PTPRG: variants seen among roughly 807,000 people sequenced by gnomAD.
PTPRG encodes the protein protein tyrosine phosphatase receptor type G.
PTPRG carries 102 observed loss-of-function variants against 165.3 expected under a neutral mutation model. The ratio of observed to expected loss-of-function variants is 0.62; its 90% CI spans 0.53 to 0.73. The LOEUF (loss-of-function observed/expected upper bound fraction) is 0.73. PTPRG is among the 30% of genes least tolerant of loss of function. PTPRG has a pLI of 0.00. For synonymous variants in PTPRG, 675 were observed against 669.5 expected, an observed-to-expected ratio of 1.01 and a Z score of -0.13; for missense variants, 1,866 against 1,861.4, an observed-to-expected ratio of 1.00 and a Z score of -0.05.
chr3:62,124,931 A>G (rs1255661809), intron 5 of PTPRG, among the ~76,000 whole-genome samples: 3 of 152,066 alleles, frequency 2.0e-5, no homozygotes, highest in Non-Finnish European at 4.4e-5. Context: ...CCCACCCTCA[A>G]GGGAAGGTGA....
intron 12 of PTPRG, among the ~76,000 whole-genome samples, chr3:62,212,111 G>C (rs79186302): frequency 6.6e-6 from 1 of 152,050 alleles, no homozygotes; most frequent in South Asian, 2.1e-4. Context: ...TCCTGCATAC[G>C]CTCAGAGAGG....
chr3:61,587,783 A>G (rs551639511), intron 1 of PTPRG, among the ~76,000 whole-genome samples: 1 of 152,118 alleles, frequency 6.6e-6, no homozygotes, highest in Admixed American at 6.5e-5. Context: ...CAGCCTCTTG[A>G]GTAGCCAGGA....
intron 2 of PTPRG, among the ~76,000 whole-genome samples, chr3:61,940,724 C>T (rs1055616107): frequency 1.3e-5 from 2 of 151,096 alleles, no homozygotes; most frequent in Non-Finnish European, 2.9e-5. Flanking sequence ...AGTGCAGTGG[C>T]GCGATCTTGG....
intron 2 of PTPRG, among the ~76,000 whole-genome samples, chr3:61,888,608 C>T (rs769853136): frequency 2.0e-5 from 3 of 152,090 alleles, no homozygotes; most frequent in African/African-American, 4.8e-5. Flanking sequence ...TGGGATTACA[C>T]GCTTGAGCCA....
intron 2 of PTPRG, among the ~76,000 whole-genome samples, chr3:61,956,430 C>T (rs550021762): frequency 1.7e-3 from 256 of 149,100 alleles, no homozygotes; most frequent in African/African-American, 6.3e-3. Flanking sequence ...TTGGTCATTA[C>T]TATTCTTGCC....
chr3:61,715,920 T>C (rs1413876762), intron 1 of PTPRG, among the ~76,000 whole-genome samples: 3 of 152,060 alleles, frequency 2.0e-5, no homozygotes, highest in Admixed American at 2.0e-4. Context: ...CTGTATTTAT[T>C]AGTCCCTGGA....
chr3:61,949,116 C>T (rs1842181), intron 2 of PTPRG, among the ~76,000 whole-genome samples: 30,437 of 150,236 alleles, frequency 0.2, 3,418 homozygotes, highest in African/African-American at 0.32. Flanking sequence ...GTCTTGCCAA[C>T]GGCCTGGTTT....
intron 1 of PTPRG, among the ~76,000 whole-genome samples, chr3:61,587,849 T>C (rs2106814201): frequency 6.6e-6 from 1 of 152,100 alleles, no homozygotes; most frequent in East Asian, 1.9e-4. Flanking sequence ...TTTGTAGAGG[T>C]GGCCTTACTG....
intron 6 of PTPRG, among the ~76,000 whole-genome samples, chr3:62,138,729 A>G (rs1703811581): frequency 6.6e-6 from 1 of 151,154 alleles, no homozygotes; most frequent in African/African-American, 2.4e-5. Flanking sequence ...AAAAAAAAAA[A>G]AAAAAAAGAA....
At chr3:62,087,932 T>C (rs1383362063) in intron 5 of PTPRG, among the ~76,000 whole-genome samples, 3 of 152,256 alleles carry the variant, frequency 2.0e-5, no homozygotes, top group East Asian at 3.8e-4. Flanking sequence ...AATTATTTTA[T>C]AGATTTGATG....
chr3:62,233,661 C>T lies in PTPRG; in HGVS notation c.2375+2350C>T, dbSNP rs1700957113. 6.6e-6 allele frequency among the ~76,000 whole-genome samples: 1 copy of T among 152,188 alleles called. No homozygotes were observed. Among genetic ancestry groups the T allele is most frequent in the South Asian group, 2.1e-4 (1 of 4,832 alleles). ...TACAAGAGCTGTTACAGAATCCCTA[C>T]ACATTAACTTCATGTGGCATTACTC... On this transcript the variant is annotated intron_variant, in intron 14 of 29. Transcript: ENST00000474889. The surrounding 1 kb of genome is among the most constrained non-coding windows in gnomAD (Gnocchi z 4.7).
Position 62,203,547 on chromosome 3 carries a change from G to C in PTPRG, c.1752G>C (p.Glu584Asp), listed in dbSNP as rs376415455. ...GCACCGAGGAAGGAGAGAAGGATGA[G>C]AAAAGCGAGAGTGAGGATGGGGAGC... ...GEGTEEGEKD[E>D]KSESEDGERE... The change falls in exon 12 of 30, where the codon GAG becomes GAC. Residue 584 changes from glutamate to aspartate, a missense_variant. Transcript: ENST00000474889. This position sits in a 1 kb window ranked among gnomAD's most constrained non-coding sequence, Gnocchi z 6.4. The C allele has an allele frequency of 4.4e-5, 68 of 1,553,114 alleles. No homozygotes were observed. The highest frequency in any genetic ancestry group is 5.7e-5 in the Non-Finnish European group (65 of 1,147,616).
chr3:61,676,238 A>G (rs946402907), intron 1 of PTPRG, among the ~76,000 whole-genome samples: 3 of 151,844 alleles, frequency 2.0e-5, no homozygotes, highest in African/African-American at 7.3e-5. Context: ...TGGGCAGATC[A>G]CGAGGTCAGG....
intron 3 of PTPRG, among the ~76,000 whole-genome samples, chr3:61,997,237 G>A (rs1390841441): frequency 1.3e-5 from 2 of 152,174 alleles, no homozygotes; most frequent in Admixed American, 1.3e-4. Context: ...TCTACTGACA[G>A]CATTGCTTTC....
chr3:62,285,905 C>G (rs1702638405), intron 28 of PTPRG, among the ~76,000 whole-genome samples: 1 of 152,156 alleles, frequency 6.6e-6, no homozygotes, highest in Admixed American at 6.5e-5. Flanking sequence ...TATCACCCTA[C>G]TGGATAGCAT....
intron 1 of PTPRG, among the ~76,000 whole-genome samples, chr3:61,651,076 C>T (rs1702337510): frequency 6.6e-6 from 1 of 151,076 alleles, no homozygotes; most frequent in South Asian, 2.1e-4. Context: ...TCATTGCCTA[C>T]ACTTCTAGAA....
intron 28 of PTPRG, among the ~76,000 whole-genome samples, chr3:62,288,614 A>C (rs1576230260): frequency 6.6e-6 from 1 of 151,918 alleles, no homozygotes; most frequent in East Asian, 1.9e-4. Context: ...CAGAGGTTGC[A>C]GTGAACCAAG....
intron 1 of PTPRG, among the ~76,000 whole-genome samples, chr3:61,644,794 C>A (rs1384759133): frequency 3.3e-5 from 5 of 152,124 alleles, no homozygotes; most frequent in Non-Finnish European, 7.3e-5. Flanking sequence ...TCTCCCCTTT[C>A]TGTCTCTAGT....
chr3:62,109,666 C>G (rs1702597512), intron 5 of PTPRG, among the ~76,000 whole-genome samples: 1 of 152,128 alleles, frequency 6.6e-6, no homozygotes, highest in Admixed American at 6.5e-5. Flanking sequence ...GGCTTTCCCT[C>G]CTGCTCTCTT....
Sources: allele counts gnomAD v4.1 joint callset (sites outside exome capture counted in the v4.1 genomes callset), GRCh38; gene constraint gnomAD v4.1.1; non-coding constraint Gnocchi (gnomAD v3.1); transcripts MANE v1.5; gene names NCBI Gene and HGNC (gene_info 2026-07-23, HGNC 2026-07-21).